ATP10D: variants seen among roughly 807,000 people sequenced by gnomAD.
The protein encoded by ATP10D is phospholipid-transporting ATPase VD.
A neutral mutation model predicts 144.8 loss-of-function variants in ATP10D; 89 were observed. That is an observed-to-expected ratio of 0.61 (90% CI 0.52 to 0.73). The LOEUF is 0.73. Among genes scored for constraint, ATP10D ranks in the 30% least tolerant of loss-of-function variants. The probability of loss-of-function intolerance (pLI) is 0.00; values close to 1 mark genes in which losing one functional copy is unlikely to be tolerated. For missense variants in ATP10D, 1,603 were observed against 1,714.8 expected, an observed-to-expected ratio of 0.93 and a Z score of 1.15; for synonymous variants, 571 against 615.1, an observed-to-expected ratio of 0.93 and a Z score of 1.06.
chr4:47,542,555 G>A (rs1485425705), intron 9 of ATP10D, among the ~76,000 whole-genome samples: 3 of 152,142 alleles, frequency 2.0e-5, no homozygotes, highest in Non-Finnish European at 2.9e-5. Flanking sequence ...TTGGCTCACT[G>A]CAACCCCTGC....
intron 9 of ATP10D, among the ~76,000 whole-genome samples, chr4:47,538,668 C>T (rs953789300): frequency 2.0e-5 from 3 of 152,128 alleles, no homozygotes; most frequent in Non-Finnish European, 2.9e-5. Flanking sequence ...TGACCTCATC[C>T]TATGCTTAGC....
At chr4:47,586,492 C>A (rs1720798214) in intron 21 of ATP10D, among the ~76,000 whole-genome samples, 1 of 152,162 alleles carries the variant, frequency 6.6e-6, no homozygotes, top group South Asian at 2.1e-4. Flanking sequence ...GTTTTACATA[C>A]CCCTTGTACT....
intron 3 of ATP10D, among the ~76,000 whole-genome samples, chr4:47,521,702 C>A (rs1299900423): frequency 6.6e-6 from 1 of 152,158 alleles, no homozygotes; most frequent in Non-Finnish European, 1.5e-5. Flanking sequence ...CAAAATAATA[C>A]CCCTGCCTAC....
chr4:47,495,247 C>T (rs116014878), intron 1 of ATP10D, among the ~76,000 whole-genome samples: 32 of 151,920 alleles, frequency 2.1e-4, no homozygotes, highest in African/African-American at 7.5e-4. Context: ...TTACCCATGG[C>T]CTTATGTGTG....
chr4:47,561,504 A>G lies in ATP10D; in HGVS notation c.2668+429A>G, dbSNP rs144222249. ...GAAATTTGGGGCACAGAGCAGTTCA[A>G]TGACTTGTTCAAGGTCACATGCCAG... On this transcript the variant is annotated intron_variant, in intron 14 of 22. Transcript: ENST00000273859. 4.3e-4 allele frequency among the ~76,000 whole-genome samples: 65 copies of G among 152,290 alleles called. No individual in the cohort carries two copies. The East Asian group carries it at 0.011, about 27-fold the overall frequency.
intron 21 of ATP10D, among the ~76,000 whole-genome samples, chr4:47,585,917 TC>T (rs1720766375): frequency 6.6e-6 from 1 of 152,218 alleles, no homozygotes; most frequent in South Asian, 2.1e-4. Context: ...TTAGGTGGCT[TC>T]CAAACCTTGG....
intron 22 of ATP10D, among the ~76,000 whole-genome samples, chr4:47,588,997 C>T (rs1720911526): frequency 1.3e-5 from 2 of 152,024 alleles, no homozygotes; most frequent in African/African-American, 4.8e-5. Context: ...GATCTTGAGA[C>T]AAAGAGATTA....
In ATP10D at chr4:47,536,564, G is replaced by A; in HGVS notation, c.1143G>A (p.Gln381=). 1.2e-6 allele frequency: 2 copies of A among 1,611,802 alleles called. No homozygotes were observed. Among genetic ancestry groups the A allele is most frequent in the Non-Finnish European group, 1.7e-6 (2 of 1,179,246 alleles). ...YMFWTMIILL[Q]VLIPISLYVS... is the part of the protein sequence containing the mutation. ...TTTGGACCATGATCATTTTGTTACA[G>A]GTAATTTTTTATCAAGCTTATGGTA... is the stretch of plus-strand genomic sequence containing the variant. The change falls in exon 8 of 23, where the codon CAG becomes CAA. Residue 381 remains glutamine, a splice_region_variant and synonymous_variant. Transcript: ENST00000273859.
intron 21 of ATP10D, among the ~76,000 whole-genome samples, chr4:47,584,131 G>A (rs1720667151): frequency 6.6e-6 from 1 of 152,152 alleles, no homozygotes. Context: ...TGTTTCTTAT[G>A]CTGGAGGATG....
intron 22 of ATP10D, among the ~76,000 whole-genome samples, chr4:47,589,165 G>A (rs1720919156): frequency 6.6e-6 from 1 of 152,144 alleles, no homozygotes; most frequent in Non-Finnish European, 1.5e-5. Flanking sequence ...AGCTGGAAGA[G>A]GCAAGGAATA....
At position 47,563,790 on chromosome 4, in the gene ATP10D, T is replaced by C. The variant is rs748606263; in HGVS notation, c.2853+25T>C. Reference sequence around the variant, plus strand: ...AGTGCGTATATTGAGATTAAATCTGTTCTTCTGTATTTTCAAAGGCATTGG... The same window carrying C: ...AGTGCGTATATTGAGATTAAATCTGCTCTTCTGTATTTTCAAAGGCATTGG... On this transcript the variant is annotated intron_variant, in intron 15 of 22. Coordinates refer to ENST00000273859, the MANE Select transcript of ATP10D (RefSeq NM_020453.4). The C allele has an allele frequency of 2.0e-6, 3 of 1,492,618 alleles. No individual in the cohort carries two copies. The South Asian group carries it at 4.1e-5, about 21-fold the overall frequency. 92.5% of individuals were successfully genotyped at this position (1,492,618 alleles called of 1,614,324 possible).
At chr4:47,588,106 A>G (rs982084254) in intron 22 of ATP10D, among the ~76,000 whole-genome samples, 10 of 152,138 alleles carry the variant, frequency 6.6e-5, no homozygotes, top group Non-Finnish European at 2.9e-5. Flanking sequence ...TCTCTACTAC[A>G]ATCTGTAAGC....
intron 1 of ATP10D, 142 bp downstream of exon 1, chr4:47,485,661 C>T (rs759851059): frequency 4.6e-5 from 7 of 151,578 alleles, no homozygotes; most frequent in Admixed American, 6.6e-5. Context: ...TGGCTCAAAA[C>T]TACAGTTCTG....
At position 47,581,986 on chromosome 4, in the gene ATP10D, C is replaced by T; in HGVS notation, c.3675C>T (p.Ile1225=). Residue 1225 remains isoleucine, a synonymous_variant, in exon 21 of 23, where the codon ATC becomes ATT. Transcript: ENST00000273859. ...YFTYQGSDTD[I]FAFGNPLNTA... Reference sequence around the variant, plus strand: ...CCTACCAGGGCTCAGATACTGACATCTTTGCATTTGGAAACCCCCTGAACA... The same window carrying T: ...CCTACCAGGGCTCAGATACTGACATTTTTGCATTTGGAAACCCCCTGAACA... 1 of 1,614,058 alleles carries T rather than the reference C, an allele frequency of 6.2e-7. No homozygotes were observed. The highest frequency in any genetic ancestry group is 1.3e-5 in the African/African-American group (1 of 75,044).
chr4:47,544,960 A>G (rs1577668582), intron 9 of ATP10D, among the ~76,000 whole-genome samples: 1 of 152,226 alleles, frequency 6.6e-6, no homozygotes, highest in Non-Finnish European at 1.5e-5. Context: ...ATTCACAAAT[A>G]TATTACTTTT....
In ATP10D at chr4:47,558,266, T is replaced by C. The variant is rs1181679821; in HGVS notation, c.2427T>C (p.Ala809=). 1 of 1,611,720 alleles carries C rather than the reference T, an allele frequency of 6.2e-7. No homozygotes were observed. Among genetic ancestry groups the C allele is most frequent in the East Asian group, 2.2e-5 (1 of 44,810 alleles). The part of the protein sequence containing the change: ...DSVIMELLSV[A]SPDGASLEKQ... ...TGATCATGGAGTTACTGTCGGTGGC[T>C]TCCCCAGGTAAGTTTATACAAAAGT... The change falls in exon 12 of 23, where the codon GCT becomes GCC. Residue 809 remains alanine, a synonymous_variant. Coordinates refer to ENST00000273859, the MANE Select transcript of ATP10D (RefSeq NM_020453.4).
intron 14 of ATP10D, 105 bp from the exon 15 acceptor site, chr4:47,563,476 G>T: frequency 9.5e-7 from 1 of 1,053,236 alleles, no homozygotes; most frequent in Middle Eastern, 2.3e-4. Context: ...AGTTTATGTA[G>T]TGTAGGGTTG....
At chr4:47,492,771 A>G (rs1019331446) in intron 1 of ATP10D, among the ~76,000 whole-genome samples, 1 of 152,108 alleles carries the variant, frequency 6.6e-6, no homozygotes, top group Non-Finnish European at 1.5e-5. Context: ...ATCAGACTGA[A>G]TTTTCCTTTT....
chr4:47,577,830 AG>A (rs5858080), intron 19 of ATP10D, among the ~76,000 whole-genome samples: 24,835 of 152,100 alleles, frequency 0.16, 2,462 homozygotes, highest in East Asian at 0.5. Context: ...GTTTTCCTAA[AG>A]GAGTCCAGTC....
Sources: gnomAD v4.1 joint callset for allele counts (sites outside exome capture counted in the v4.1 genomes callset) on GRCh38, gnomAD v4.1.1 for gene constraint, MANE v1.5 for transcripts, NCBI Gene and HGNC (gene_info 2026-07-23, HGNC 2026-07-21) for gene names.